PDE11A: variants seen among roughly 807,000 people sequenced by gnomAD.
PDE11A encodes dual 3',5'-cyclic-AMP and -GMP phosphodiesterase 11A.
PDE11A carries 100 observed loss-of-function variants against 100.5 expected under a neutral mutation model. That is an observed-to-expected ratio of 1.00 (90% CI 0.85 to 1.18). PDE11A has a LOEUF of 1.18. PDE11A is among the 50% of genes most tolerant of loss of function. PDE11A has a pLI of 0.00. For synonymous variants in PDE11A, 381 were observed against 420.8 expected (o/e 0.91, Z 1.16); for missense variants, 1,141 against 1,152.6 (o/e 0.99, Z 0.15).
intron 2 of PDE11A, among the ~76,000 whole-genome samples, chr2:177,948,367 C>G (rs144782779): frequency 1.3e-5 from 2 of 152,022 alleles, no homozygotes; most frequent in Non-Finnish European, 2.9e-5. Context: ...ATATACCTGT[C>G]GAATTCTTTT....
intron 6 of PDE11A, among the ~76,000 whole-genome samples, chr2:177,830,772 G>C (rs1387550238): frequency 6.6e-6 from 1 of 151,856 alleles, no homozygotes; most frequent in Non-Finnish European, 1.5e-5. Context: ...CCATGGAGCA[G>C]ATGACTGATA....
chr2:177,868,727 C>G lies in PDE11A; in HGVS notation c.1367+7132G>C, dbSNP rs574702928. On this transcript the variant is annotated intron_variant, in intron 5 of 19. Transcript: ENST00000286063. Reference sequence around the variant, plus strand: ...CTGCTATCATCTCCAGAAATTTCTTCCAAGCTGCTGACACTCTCTTGTAAG... The same window carrying G: ...CTGCTATCATCTCCAGAAATTTCTTGCAAGCTGCTGACACTCTCTTGTAAG... Among the ~76,000 whole-genome samples, 3 of 152,298 alleles carry G rather than the reference C, an allele frequency of 2.0e-5. No individual in the cohort carries two copies. The South Asian group carries it at 6.2e-4, about 32-fold the overall frequency.
At chr2:177,985,811 T>C (rs984755514) in intron 2 of PDE11A, among the ~76,000 whole-genome samples, 4 of 152,220 alleles carry the variant, frequency 2.6e-5, no homozygotes, top group African/African-American at 9.6e-5. Flanking sequence ...GTTTTATAAA[T>C]TGCTATGTGA....
chr2:177,910,459 T>C (rs911821444), intron 2 of PDE11A, among the ~76,000 whole-genome samples: 11 of 151,930 alleles, frequency 7.2e-5, no homozygotes, highest in East Asian at 3.9e-4. Context: ...CACACACACA[T>C]ATATATATTG....
intron 17 of PDE11A, among the ~76,000 whole-genome samples, chr2:177,672,415 G>C (rs1040725229): frequency 1.3e-5 from 2 of 152,168 alleles, no homozygotes; most frequent in Non-Finnish European, 2.9e-5. Context: ...CCAAGGCCTA[G>C]CCTAGCCTTG....
intron 9 of PDE11A, among the ~76,000 whole-genome samples, chr2:177,797,865 T>C (rs1558943836): frequency 6.6e-6 from 1 of 152,230 alleles, no homozygotes; most frequent in Non-Finnish European, 1.5e-5. Context: ...AAATTTTATC[T>C]TCTCAGCTGC....
rs1372861684 is a variant in PDE11A at position 177,905,182 on chromosome 2, C to T, written c.1077G>A (p.Met359Ile). The T allele has an allele frequency of 6.3e-7, 1 of 1,582,182 alleles. No homozygotes were observed. The highest frequency in any genetic ancestry group is 8.7e-7 in the Non-Finnish European group (1 of 1,150,954). ...APFTEDDEKV[M>I]QMYLPFCGIA... Reference sequence around the variant, plus strand: ...TTCCACAAAATGGAAGATACATCTGCATAACCTGGGACAAAGAGAGTAGTA... The same window carrying T: ...TTCCACAAAATGGAAGATACATCTGTATAACCTGGGACAAAGAGAGTAGTA... The change falls in exon 3 of 20, where the codon ATG becomes ATA. Residue 359 changes from methionine (M) to isoleucine (I), a missense_variant. Transcript: ENST00000286063.
At chr2:177,798,754 A>T (rs531117063) in intron 9 of PDE11A, among the ~76,000 whole-genome samples, 3 of 151,936 alleles carry the variant, frequency 2.0e-5, no homozygotes, top group Admixed American at 2.0e-4. Flanking sequence ...ATAAATAAAC[A>T]CATAAACAGA....
At chr2:178,050,881 T>C (rs539404467) in intron 1 of PDE11A, among the ~76,000 whole-genome samples, 1 of 152,158 alleles carries the variant, frequency 6.6e-6, no homozygotes, top group African/African-American at 2.4e-5. Flanking sequence ...CTACGTCTGA[T>C]TGGTATACCT....
intron 1 of PDE11A, among the ~76,000 whole-genome samples, chr2:178,023,969 A>C (rs1425416317): frequency 6.6e-6 from 1 of 152,140 alleles, no homozygotes; most frequent in African/African-American, 2.4e-5. Flanking sequence ...TTAATACTGG[A>C]ATCACCTGGG....
intron 19 of PDE11A, among the ~76,000 whole-genome samples, chr2:177,654,937 TA>T (rs11343355): frequency 0.61 from 92,413 of 151,990 alleles, 31,828 homozygotes; most frequent in Admixed American, 0.74. Context: ...ATATGCTCTC[TA>T]AAAAAACTAT....
In PDE11A at chr2:177,629,507, T is replaced by A; in HGVS notation, c.2702A>T (p.Asn901Ile). Residue 901 changes from asparagine to isoleucine, a missense_variant, in exon 20 of 20, where the codon AAC becomes ATC. Transcript: ENST00000286063. The part of the protein sequence containing the change: ...LKPMLDSVAT[N>I]RSKWEELHQK... ...GTGTAGCTCTTCCCACTTACTTCTG[T>A]TTGTAGCTACTGAATCTAGCATCGG... The A allele has an allele frequency of 6.2e-7, 1 of 1,613,764 alleles. No individual in the cohort carries two copies. The highest frequency in any genetic ancestry group is 8.5e-7 in the Non-Finnish European group (1 of 1,179,692).
chr2:177,870,724 G>A (rs912985156), intron 5 of PDE11A, among the ~76,000 whole-genome samples: 4 of 152,120 alleles, frequency 2.6e-5, no homozygotes, highest in Non-Finnish European at 5.9e-5. Context: ...TGTTACCCTG[G>A]ACATATTTCT....
At chr2:177,845,179 C>G (rs1197883454) in intron 5 of PDE11A, among the ~76,000 whole-genome samples, 3 of 150,854 alleles carry the variant, frequency 2.0e-5, no homozygotes, top group South Asian at 2.1e-4. Context: ...TGACCCCCCC[C>G]ACCTCCCTCC....
chr2:177,738,881 G>T (rs527977102), intron 10 of PDE11A, among the ~76,000 whole-genome samples: 1 of 152,324 alleles, frequency 6.6e-6, no homozygotes, highest in East Asian at 1.9e-4. Context: ...TCGGCCTCTA[G>T]AGATGGACCA....
At chr2:177,995,650 A>G (rs2366354) in intron 2 of PDE11A, among the ~76,000 whole-genome samples, 15,312 of 150,648 alleles carry the variant, frequency 0.1, 1,109 homozygotes, top group Non-Finnish European at 0.15. Flanking sequence ...AACACCACCC[A>G]CCCCGCATCT....
intron 2 of PDE11A, among the ~76,000 whole-genome samples, chr2:177,925,063 C>A (rs2085108268): frequency 1.3e-5 from 2 of 150,364 alleles, no homozygotes; most frequent in Non-Finnish European, 3.0e-5. Flanking sequence ...ATGAACTCAT[C>A]ATTTTTTATG....
At chr2:177,911,326 G>A (rs1290325782) in intron 2 of PDE11A, among the ~76,000 whole-genome samples, 2 of 152,184 alleles carry the variant, frequency 1.3e-5, no homozygotes, top group African/African-American at 4.8e-5. Flanking sequence ...ATTTTTAAAT[G>A]AGTTTGCAGT....
At chr2:177,704,904 G>A (rs182653142) in intron 13 of PDE11A, among the ~76,000 whole-genome samples, 2 of 152,034 alleles carry the variant, frequency 1.3e-5, no homozygotes, top group South Asian at 2.1e-4. Context: ...GCAATGGCGC[G>A]ATGTTGGCTT....
Sources: allele counts gnomAD v4.1 joint callset (sites outside exome capture counted in the v4.1 genomes callset), GRCh38; gene constraint gnomAD v4.1.1; transcripts MANE v1.5; gene names NCBI Gene and HGNC (gene_info 2026-07-23, HGNC 2026-07-21).